The following ARHGEF3 variants were observed in gnomAD, a reference collection of about 807,000 sequenced individuals.
The protein encoded by ARHGEF3 is Rho guanine nucleotide exchange factor 3.
Under a neutral mutation model 63.2 loss-of-function variants are expected in ARHGEF3, and 28 were observed. The observed-to-expected ratio is 0.44, with a 90% CI of 0.33 to 0.61. The LOEUF is 0.61. Ranked by LOEUF, ARHGEF3 falls within the 20% of genes least tolerant of loss-of-function variation. The pLI is 0.03. For synonymous variants in ARHGEF3, 266 were observed against 254.2 expected (o/e 1.05, Z -0.44); for missense variants, 533 against 659.3 (o/e 0.81, Z 2.10).
In ARHGEF3 at chr3:57,069,376, A is replaced by AACACACACACACACAC. The variant is rs147675971; in HGVS notation, c.-28+9834_-28+9849dup. On this transcript the variant is annotated intron_variant, in intron 1 of 12. Coordinates refer to the ARHGEF3 transcript ENST00000338458. ...AAATAACTCTAATCTCTGTCTCTCA[A>AACACACACACACACAC]ACACACACACACACACACACACACA... Among the ~76,000 whole-genome samples, 116 of 146,466 alleles carry AACACACACACACACAC rather than the reference A, an allele frequency of 7.9e-4. 1 individual carries two copies. The highest frequency in any genetic ancestry group is 2.6e-3 in the African/African-American group (104 of 39,738).
At chr3:56,810,026 C>A (rs1440821577) in intron 4 of ARHGEF3, among the ~76,000 whole-genome samples, 1 of 152,160 alleles carries the variant, frequency 6.6e-6, no homozygotes, top group East Asian at 1.9e-4. Context: ...CCGTGCCTGG[C>A]CATATATTTA....
intron 2 of ARHGEF3, among the ~76,000 whole-genome samples, chr3:56,970,636 T>C (rs1189643937): frequency 6.6e-6 from 1 of 152,234 alleles, no homozygotes; most frequent in African/African-American, 2.4e-5. Context: ...AGCTGGTCTG[T>C]CTTCTGCTCC....
chr3:56,920,318 A>G (rs1237411599), intron 3 of ARHGEF3, among the ~76,000 whole-genome samples: 1 of 152,216 alleles, frequency 6.6e-6, no homozygotes, highest in African/African-American at 2.4e-5. Context: ...TGGGCTCTAA[A>G]GAGATTAGCA....
intron 1 of ARHGEF3, among the ~76,000 whole-genome samples, chr3:56,784,803 T>C (rs1365792176): frequency 6.6e-6 from 1 of 152,150 alleles, no homozygotes; most frequent in Non-Finnish European, 1.5e-5. Context: ...GGATAAAATA[T>C]GAGCCAACCT....
At chr3:57,020,618 A>G (rs778849683) in intron 2 of ARHGEF3, among the ~76,000 whole-genome samples, 4 of 152,254 alleles carry the variant, frequency 2.6e-5, no homozygotes, top group Non-Finnish European at 5.9e-5. Flanking sequence ...GCTGGAGTCA[A>G]ATGCCAGCCT....
At chr3:56,800,604 T>C (rs997233958) in intron 1 of ARHGEF3, among the ~76,000 whole-genome samples, 3 of 152,178 alleles carry the variant, frequency 2.0e-5, no homozygotes, top group African/African-American at 7.2e-5. Flanking sequence ...ATATACATGA[T>C]TCAGTGAGCC....
At chr3:56,846,760 G>A (rs1326523265) in intron 4 of ARHGEF3, among the ~76,000 whole-genome samples, 2 of 152,086 alleles carry the variant, frequency 1.3e-5, no homozygotes, top group Non-Finnish European at 2.9e-5. Flanking sequence ...TGTCTCTAGT[G>A]ATCCCAGGGT....
chr3:56,778,652 G>A (rs960457821), intron 1 of ARHGEF3, among the ~76,000 whole-genome samples: 4 of 152,030 alleles, frequency 2.6e-5, no homozygotes, highest in African/African-American at 9.7e-5. Flanking sequence ...TCCCACCTCA[G>A]CCTCTCAAGA....
At chr3:56,908,910 T>C (rs1170968712) in intron 3 of ARHGEF3, among the ~76,000 whole-genome samples, 1 of 152,210 alleles carries the variant, frequency 6.6e-6, no homozygotes, top group Non-Finnish European at 1.5e-5. Context: ...CATGCACATG[T>C]ATGTTCTATC....
intron 1 of ARHGEF3, among the ~76,000 whole-genome samples, chr3:56,776,865 C>T (rs368858200): frequency 1.3e-4 from 20 of 152,202 alleles, no homozygotes; most frequent in African/African-American, 4.6e-4. Context: ...CAAGTGCAGA[C>T]ACCACCCCCC....
Position 56,967,354 on chromosome 3 carries a change from A to G in ARHGEF3, c.63-8465T>C, listed in dbSNP as rs1452375403. 2.0e-5 allele frequency among the ~76,000 whole-genome samples: 2 copies of G among 100,274 alleles called. 1 individual carries two copies. Among genetic ancestry groups the G allele is most frequent in the South Asian group, 5.2e-4 (2 of 3,878 alleles). The allele number at this position is 100,274 out of a possible 152,430, so 65.8% of individuals were successfully genotyped here. A position where few individuals can be genotyped will look rare whatever the true frequency, so the allele number is the denominator to read the frequency against. ...ATATATTGTACATATCATATATTATATAATATTATATTATATATTATATAT... is the reference window on the plus strand; with the variant it reads ...ATATATTGTACATATCATATATTATGTAATATTATATTATATATTATATAT... On this transcript the variant is annotated intron_variant, in intron 2 of 12. Transcript: ENST00000338458.
intron 3 of ARHGEF3, among the ~76,000 whole-genome samples, chr3:56,929,810 G>C (rs2042363950): frequency 6.6e-6 from 1 of 152,192 alleles, no homozygotes; most frequent in Non-Finnish European, 1.5e-5. Flanking sequence ...GACTGTTCTT[G>C]AAGGAAAGCC....
At chr3:56,995,900 C>T (rs969661340) in intron 2 of ARHGEF3, among the ~76,000 whole-genome samples, 4 of 152,074 alleles carry the variant, frequency 2.6e-5, no homozygotes, top group African/African-American at 9.7e-5. Context: ...CTACCAGGAC[C>T]GGATAACATA....
At chr3:56,770,360 C>T (rs1578464953) in intron 2 of ARHGEF3, among the ~76,000 whole-genome samples, 2 of 151,642 alleles carry the variant, frequency 1.3e-5, no homozygotes, top group Non-Finnish European at 1.5e-5. Context: ...AGGTGAGCCA[C>T]GATCACGCCA....
intron 1 of ARHGEF3, among the ~76,000 whole-genome samples, chr3:57,048,964 G>A (rs1704568620): frequency 6.6e-6 from 1 of 152,200 alleles, no homozygotes; most frequent in Non-Finnish European, 1.5e-5. Flanking sequence ...GAGCCTACAG[G>A]TGTTCTGACA....
intron 2 of ARHGEF3, among the ~76,000 whole-genome samples, chr3:56,964,880 A>G (rs962282035): frequency 1.2e-4 from 19 of 152,290 alleles, no homozygotes; most frequent in Middle Eastern, 3.4e-3. Flanking sequence ...GACAAACAAA[A>G]TAGACATTAA....
intron 1 of ARHGEF3, among the ~76,000 whole-genome samples, chr3:57,065,466 A>C (rs1488439039): frequency 1.3e-5 from 2 of 149,342 alleles, no homozygotes; most frequent in East Asian, 1.9e-4. Context: ...ATCACAAAAC[A>C]AAAAAAAAAG....
chr3:57,062,230 C>T (rs1276489134), intron 1 of ARHGEF3, among the ~76,000 whole-genome samples: 2 of 152,252 alleles, frequency 1.3e-5, no homozygotes, highest in African/African-American at 4.8e-5. Flanking sequence ...GCTCCACACT[C>T]TGGGCCTGTC....
At chr3:56,762,704 T>C (rs2035488322) in intron 2 of ARHGEF3, among the ~76,000 whole-genome samples, 2 of 152,208 alleles carry the variant, frequency 1.3e-5, no homozygotes, top group East Asian at 1.9e-4. Context: ...GCTAACCATA[T>C]TGCTATTTTG....
Sources: gnomAD v4.1 joint callset for allele counts (sites outside exome capture counted in the v4.1 genomes callset) on GRCh38, gnomAD v4.1.1 for gene constraint, MANE v1.5 for transcripts, NCBI Gene and HGNC (gene_info 2026-07-23, HGNC 2026-07-21) for gene names.